The following ARHGAP10 variants were observed in gnomAD, a reference collection of about 807,000 sequenced individuals.
ARHGAP10 encodes rho GTPase-activating protein 10.
ARHGAP10 carries 87 observed loss-of-function variants against 108.6 expected under a neutral mutation model. That is an observed-to-expected ratio of 0.80 (90% CI 0.67 to 0.96). The LOEUF is 0.96. Among genes scored for constraint, ARHGAP10 ranks in the 40% least tolerant of loss-of-function variants. ARHGAP10 has a pLI of 0.00. For synonymous variants in ARHGAP10, 347 were observed against 341.1 expected, an observed-to-expected ratio of 1.02 and a Z score of -0.19; for missense variants, 939 against 954.5, an observed-to-expected ratio of 0.98 and a Z score of 0.21.
At chr4:148,061,615 T>C (rs529707273) in intron 20 of ARHGAP10, among the ~76,000 whole-genome samples, 1 of 34,746 alleles carries the variant, frequency 2.9e-5, no homozygotes, top group Non-Finnish European at 8.8e-5. Context: ...AGAATAATGT[T>C]TTTTTTTTTT....
At chr4:147,795,641 A>T (rs549822274) in intron 1 of ARHGAP10, among the ~76,000 whole-genome samples, 46 of 151,668 alleles carry the variant, frequency 3.0e-4, no homozygotes, top group Non-Finnish European at 5.7e-4. Context: ...AGGTGACTGG[A>T]TGAGGAGCTG....
At chr4:147,974,336 A>G (rs1221013341) in intron 18 of ARHGAP10, among the ~76,000 whole-genome samples, 1 of 152,146 alleles carries the variant, frequency 6.6e-6, no homozygotes, top group Non-Finnish European at 1.5e-5. Flanking sequence ...TTATAATGTA[A>G]TAAAAACTTT....
chr4:148,070,044 C>T (rs1413734909), intron 22 of ARHGAP10, among the ~76,000 whole-genome samples: 2 of 152,242 alleles, frequency 1.3e-5, no homozygotes, highest in South Asian at 4.1e-4. Context: ...AATTTGCTTA[C>T]TCAGTCATTA....
chr4:147,858,823 G>A (rs10025684), intron 5 of ARHGAP10, among the ~76,000 whole-genome samples: 24,338 of 152,108 alleles, frequency 0.16, 2,451 homozygotes, highest in African/African-American at 0.29. Flanking sequence ...TTCCCCAAGT[G>A]AATTTCCAAA....
intron 1 of ARHGAP10, among the ~76,000 whole-genome samples, chr4:147,793,156 G>GTGTA (rs1321077696): frequency 6.6e-6 from 1 of 151,450 alleles, no homozygotes; most frequent in African/African-American, 2.4e-5. Context: ...GAAAATGTGT[G>GTGTA]TGTATGTATG....
At chr4:147,732,631 C>T (rs1214366378) in intron 1 of ARHGAP10, among the ~76,000 whole-genome samples, 176 bp downstream of exon 1, 3 of 152,072 alleles carry the variant, frequency 2.0e-5, no homozygotes, top group Non-Finnish European at 4.4e-5. Context: ...ATCATTCCTC[C>T]TCGAGGCAGC....
At chr4:148,050,741 T>C (rs993770335) in intron 20 of ARHGAP10, among the ~76,000 whole-genome samples, 8 of 152,238 alleles carry the variant, frequency 5.3e-5, no homozygotes, top group African/African-American at 1.7e-4. Flanking sequence ...AATCTTACCA[T>C]TTGCTCCTTA....
chr4:148,040,791 A>G (rs1038955304), intron 19 of ARHGAP10, among the ~76,000 whole-genome samples: 3 of 149,776 alleles, frequency 2.0e-5, no homozygotes, highest in African/African-American at 7.6e-5. Context: ...GAAGTTATGT[A>G]TTTTTATTTA....
intron 1 of ARHGAP10, among the ~76,000 whole-genome samples, chr4:147,774,575 C>A (rs1420881948): frequency 6.6e-6 from 1 of 152,156 alleles, no homozygotes; most frequent in Non-Finnish European, 1.5e-5. Flanking sequence ...TTTATTATAA[C>A]CTTTAGGGCT....
intron 13 of ARHGAP10, among the ~76,000 whole-genome samples, chr4:147,919,333 A>G (rs1384006338): frequency 6.6e-6 from 1 of 152,250 alleles, no homozygotes; most frequent in African/African-American, 2.4e-5. Flanking sequence ...CTACAGTATC[A>G]GCATAAATTA....
intron 13 of ARHGAP10, among the ~76,000 whole-genome samples, chr4:147,916,348 T>C (rs954248955): frequency 9.2e-5 from 14 of 152,360 alleles, no homozygotes; most frequent in African/African-American, 3.1e-4. Context: ...AAAAGACTAC[T>C]GTGACAATAC....
chr4:147,818,152 C>T (rs1330608167), intron 1 of ARHGAP10, among the ~76,000 whole-genome samples: 4 of 150,232 alleles, frequency 2.7e-5, no homozygotes, highest in African/African-American at 9.8e-5. Context: ...ATTTTTTTTT[C>T]TTCTTCTTTT....
intron 3 of ARHGAP10, among the ~76,000 whole-genome samples, chr4:147,827,911 T>A (rs1050262825): frequency 1.3e-5 from 2 of 152,112 alleles, no homozygotes; most frequent in African/African-American, 4.8e-5. Flanking sequence ...GTTCAAGCGA[T>A]TTTCCTGCCT....
intron 13 of ARHGAP10, among the ~76,000 whole-genome samples, chr4:147,936,017 C>T (rs928636264): frequency 1.3e-5 from 2 of 152,206 alleles, no homozygotes; most frequent in Admixed American, 6.5e-5. Flanking sequence ...TTCATCTCTC[C>T]ATATAATTCA....
Position 148,021,998 on chromosome 4 carries a change from G to A in ARHGAP10, c.1717-1265G>A, listed in dbSNP as rs569996625. ...TTGGTATATAATAGTTTTTAGGTGCGAACTTTTTGACTGTGCAATTAAAAC... is the reference window on the plus strand; with the variant it reads ...TTGGTATATAATAGTTTTTAGGTGCAAACTTTTTGACTGTGCAATTAAAAC... On this transcript the variant is annotated intron_variant, in intron 18 of 22. Transcript: ENST00000336498. 5.3e-5 allele frequency among the ~76,000 whole-genome samples: 8 copies of A among 152,194 alleles called. No homozygotes were observed. The South Asian group carries it at 1.0e-3, about 20-fold the overall frequency.
At chr4:147,749,887 G>A (rs1444808509) in intron 1 of ARHGAP10, among the ~76,000 whole-genome samples, 1 of 152,184 alleles carries the variant, frequency 6.6e-6, no homozygotes, top group Non-Finnish European at 1.5e-5. Context: ...GAATGGCTAT[G>A]CAAATTAACC....
At chr4:147,738,617 A>C (rs1728528265) in intron 1 of ARHGAP10, among the ~76,000 whole-genome samples, 1 of 152,208 alleles carries the variant, frequency 6.6e-6, no homozygotes, top group African/African-American at 2.4e-5. Flanking sequence ...TTGTTAATAC[A>C]TGTAAAGCAT....
intron 18 of ARHGAP10, among the ~76,000 whole-genome samples, chr4:147,988,142 C>T (rs1740112111): frequency 6.6e-6 from 1 of 151,944 alleles, no homozygotes; most frequent in South Asian, 2.1e-4. Flanking sequence ...CTTCTTAGGC[C>T]CAGTCCTTAG....
intron 19 of ARHGAP10, among the ~76,000 whole-genome samples, chr4:148,038,546 C>A (rs1728481889): frequency 6.6e-6 from 1 of 152,214 alleles, no homozygotes; most frequent in Admixed American, 6.5e-5. Context: ...GAACCCTCGT[C>A]TTCCAATACA....
Sources: allele counts gnomAD v4.1 joint callset (sites outside exome capture counted in the v4.1 genomes callset), GRCh38; gene constraint gnomAD v4.1.1; transcripts MANE v1.5; gene names NCBI Gene and HGNC (gene_info 2026-07-23, HGNC 2026-07-21).